The following TOR3A variants were observed in gnomAD, a reference collection of about 807,000 sequenced individuals.
TOR3A encodes torsin family 3 member A, also known as torsin-3A.
In TOR3A, 44 loss-of-function variants were observed where a neutral mutation model predicts 42.1. That is an observed-to-expected ratio of 1.04 (90% confidence interval 0.82 to 1.34). TOR3A has a LOEUF of 1.34. Ranked by LOEUF, TOR3A falls within the 40% of genes most tolerant of loss-of-function variation. TOR3A has a pLI of 0.00. For missense variants in TOR3A, 521 were observed against 507.6 expected, an observed-to-expected ratio of 1.03 and a Z score of -0.25; for synonymous variants, 227 against 213.2, an observed-to-expected ratio of 1.06 and a Z score of -0.57.
intron 3 of TOR3A, among the ~76,000 whole-genome samples, chr1:179,086,716 T>C (rs1377983606): frequency 1.3e-5 from 2 of 152,078 alleles, no homozygotes; most frequent in Non-Finnish European, 2.9e-5. Flanking sequence ...ACCTGATTTT[T>C]TCATGTCTTC....
Position 179,087,931 on chromosome 1 carries a change from C to A in TOR3A, c.660C>A (p.Ile220=). The change falls in exon 4 of 6, where the codon ATC becomes ATA. Residue 220 remains isoleucine (I), a synonymous_variant. Transcript: ENST00000367627. ...DLYKEQLMSQ[I]RETQQLCHQT... ...TGCAGGAGCAGCTGATGAGCCAGAT[C>A]CGGGAGACGCAGCAGCTCTGCCACC... The A allele has an allele frequency of 6.3e-7, 1 of 1,597,770 alleles. No individual in the cohort carries two copies.
chr1:179,094,205 G>T lies in TOR3A; in HGVS notation c.931G>T (p.Val311Leu), dbSNP rs1652673089. ...HLEPHLQAEI[V>L]ETIDNGFGHS... is the part of the protein sequence containing the mutation. ...GGAGCCCCACCTCCAGGCGGAGATT[G>T]TGGAGACCATAGGTGAGTAACTGAC... The change falls in exon 5 of 6, where the codon GTG becomes TTG. Residue 311 changes from valine to leucine, a missense_variant. Transcript: ENST00000367627. 6.2e-7 allele frequency: 1 copy of T among 1,613,668 alleles called. No homozygotes were observed. The highest frequency in any genetic ancestry group is 8.5e-7 in the Non-Finnish European group (1 of 1,179,830).
In TOR3A at chr1:179,095,267, C is replaced by T. The variant is rs368175261; in HGVS notation, c.*49C>T. On this transcript the variant is annotated 3_prime_UTR_variant, in exon 6 of 6. Coordinates refer to ENST00000367627, the MANE Select transcript of TOR3A (RefSeq NM_022371.4). ...ACTGCCTTTCTTCCACTAACAGGAC[C>T]CTGGGACCTGTAGGAGCACCCCGTT... 19 of 1,607,032 alleles carry T rather than the reference C, an allele frequency of 1.2e-5. No homozygotes were observed. The highest frequency in any genetic ancestry group is 1.7e-5 in the Admixed American group (1 of 59,630).
intron 1 of TOR3A, chr1:179,082,660 A>G: frequency 2.9e-6 from 2 of 701,376 alleles, no homozygotes; most frequent in South Asian, 3.0e-5. Flanking sequence ...ATTCTCTCGC[A>G]CCGCCTGTGC....
chr1:179,082,905 G>A, intron 1 of TOR3A, 35 bp from the exon 2 acceptor site: 1 of 1,420,446 alleles, frequency 7.0e-7, no homozygotes, highest in Non-Finnish European at 9.7e-7. Flanking sequence ...GCACCGGATG[G>A]TCTCCTCTCG....
intron 4 of TOR3A, among the ~76,000 whole-genome samples, chr1:179,089,932 C>A (rs1652532247): frequency 6.6e-6 from 1 of 152,206 alleles, no homozygotes; most frequent in African/African-American, 2.4e-5. Flanking sequence ...GCTTGGAAAA[C>A]CTCACCTGGG....
Position 179,087,891 on chromosome 1 carries a change from G to A in TOR3A, c.640-20G>A. The A allele has an allele frequency of 6.6e-7, 1 of 1,521,968 alleles. No individual in the cohort carries two copies. 94.3% of individuals were successfully genotyped at this position (1,521,968 alleles called of 1,614,324 possible). On this transcript the variant is annotated intron_variant, in intron 3 of 5. Transcript: ENST00000367627. ...GGAAGGAGTCACCACTTCCCCAGCT[G>A]CTCCCTATATCCCGTGCAGGAGCAG... is the stretch of plus-strand genomic sequence containing the variant.
At chr1:179,085,318 G>A in intron 2 of TOR3A, 1 of 286,796 alleles carries the variant, frequency 3.5e-6, no homozygotes, top group South Asian at 5.1e-5. Context: ...CAGCCACTCG[G>A]GAGGCTGAGG....
Position 179,087,934 on chromosome 1 carries a change from G to A in TOR3A, c.663G>A (p.Arg221=). 2.5e-6 allele frequency: 4 copies of A among 1,599,968 alleles called. No individual in the cohort carries two copies. The highest frequency in any genetic ancestry group is 3.4e-6 in the Non-Finnish European group (4 of 1,173,342). The change falls in exon 4 of 6, where the codon CGG becomes CGA. Residue 221 remains arginine, a synonymous_variant. Coordinates refer to ENST00000367627, the MANE Select transcript of TOR3A (RefSeq NM_022371.4). ...AGGAGCAGCTGATGAGCCAGATCCG[G>A]GAGACGCAGCAGCTCTGCCACCAGA... is the stretch of plus-strand genomic sequence containing the variant. ...LYKEQLMSQI[R]ETQQLCHQTL...
intron 4 of TOR3A, chr1:179,088,462 C>A (rs45499094): frequency 0.087 from 13,534 of 155,946 alleles, 640 homozygotes; most frequent in African/African-American, 0.095. Flanking sequence ...GAGCTGAGAT[C>A]GGGCCACTGC....
At chr1:179,090,115 G>A (rs1041123412) in intron 4 of TOR3A, among the ~76,000 whole-genome samples, 15 of 140,426 alleles carry the variant, frequency 1.1e-4, no homozygotes, top group African/African-American at 3.3e-4. Context: ...GCGGGGTGGG[G>A]GGGGGGGCCT....
At chr1:179,086,132 A>C (rs1652427730) in intron 3 of TOR3A, among the ~76,000 whole-genome samples, 1 of 152,210 alleles carries the variant, frequency 6.6e-6, no homozygotes, top group African/African-American at 2.4e-5. Flanking sequence ...GAGGCTGGAC[A>C]CTGCGCTTAA....
In TOR3A at chr1:179,085,731, G is replaced by A. The variant is rs1652417911; in HGVS notation, c.477G>A (p.Lys159=). The stretch of plus-strand genomic sequence containing the variant: ...ACTTAGAGACGCCCCAGCCAGAAAA[G>A]GCCCTTGCTCTGTCGTTCCACGGCT... ...RGYLETPQPE[K]ALALSFHGWS... The change falls in exon 3 of 6, where the codon AAG becomes AAA. Residue 159 remains lysine (K), a synonymous_variant. Coordinates refer to ENST00000367627, the MANE Select transcript of TOR3A (RefSeq NM_022371.4). 2 of 1,614,126 alleles carry A rather than the reference G, an allele frequency of 1.2e-6. No individual in the cohort carries two copies. The highest frequency in any genetic ancestry group is 1.7e-6 in the Non-Finnish European group (2 of 1,180,062).
At chr1:179,094,019 G>T in intron 4 of TOR3A, 74 bp from the exon 5 acceptor site, 1 of 1,549,788 alleles carries the variant, frequency 6.5e-7, no homozygotes, top group Non-Finnish European at 8.7e-7. Context: ...CTAATGCATT[G>T]GTTTCAGCGG....
At position 179,095,290 on chromosome 1, in the gene TOR3A, G is replaced by A. The variant is rs1201288876; in HGVS notation, c.*72G>A. 20 of 1,588,260 alleles carry A rather than the reference G, an allele frequency of 1.3e-5. 1 individual carries two copies. The highest frequency in any genetic ancestry group is 7.0e-5 in the South Asian group (6 of 86,318). ...ACCCTGGGACCTGTAGGAGCACCCC[G>A]TTTGGGACTGTGAGGTGTTTGAGGG... On this transcript the variant is annotated 3_prime_UTR_variant, in exon 6 of 6. Coordinates refer to ENST00000367627, the MANE Select transcript of TOR3A (RefSeq NM_022371.4).
At chr1:179,094,351 G>A (rs916197957) in intron 5 of TOR3A, 134 bp downstream of exon 5, 23 of 1,170,294 alleles carry the variant, frequency 2.0e-5, no homozygotes, top group Non-Finnish European at 2.6e-5. Flanking sequence ...ATCTCACATT[G>A]TCAACCCTGG....
intron 4 of TOR3A, among the ~76,000 whole-genome samples, chr1:179,092,961 C>T (rs1351637005): frequency 1.3e-5 from 2 of 152,158 alleles, no homozygotes; most frequent in Non-Finnish European, 2.9e-5. Context: ...GCCAAAATCA[C>T]GCCACTGTAC....
chr1:179,086,513 A>C (rs1652437787), intron 3 of TOR3A, among the ~76,000 whole-genome samples: 1 of 152,118 alleles, frequency 6.6e-6, no homozygotes, highest in South Asian at 2.1e-4. Flanking sequence ...AAAAATACAA[A>C]AACTTAGCTG....
rs757649018 is a variant in TOR3A at position 179,094,210 on chromosome 1, G to A, written c.936G>A (p.Glu312=). 6.2e-7 allele frequency: 1 copy of A among 1,612,510 alleles called. No homozygotes were observed. The highest frequency in any genetic ancestry group is 8.5e-7 in the Non-Finnish European group (1 of 1,179,496). The change falls in exon 5 of 6, where the codon GAG becomes GAA. Residue 312 remains glutamate, a synonymous_variant. Transcript: ENST00000367627. ...CCCACCTCCAGGCGGAGATTGTGGA[G>A]ACCATAGGTGAGTAACTGACTCAAT... The part of the protein sequence containing the change: ...LEPHLQAEIV[E]TIDNGFGHSR...
Sources: gnomAD v4.1 joint callset for allele counts (sites outside exome capture counted in the v4.1 genomes callset) on GRCh38, gnomAD v4.1.1 for gene constraint, MANE v1.5 for transcripts, NCBI Gene and HGNC (gene_info 2026-07-23, HGNC 2026-07-21) for gene names.